GDPD4: variants seen among roughly 807,000 people sequenced by gnomAD.
GDPD4 encodes the protein glycerophosphodiester phosphodiesterase domain containing 4.
In GDPD4, 60 loss-of-function variants were observed where a neutral mutation model predicts 67.8. That is an observed-to-expected ratio of 0.88 (90% CI 0.72 to 1.10). The LOEUF (loss-of-function observed/expected upper bound fraction) is 1.10, where lower values mean the gene tolerates loss of function less well. Among genes scored for constraint, GDPD4 ranks in the 50% least tolerant of loss-of-function variants. GDPD4 has a pLI of 0.00. For missense variants in GDPD4, 623 were observed against 613.9 expected, an observed-to-expected ratio of 1.01 and a Z score of -0.16; for synonymous variants, 212 against 210.9, an observed-to-expected ratio of 1.00 and a Z score of -0.04.
At chr11:77,265,699 A>G (rs1205699910) in intron 10 of GDPD4, among the ~76,000 whole-genome samples, 1 of 152,190 alleles carries the variant, frequency 6.6e-6, no homozygotes, top group Non-Finnish European at 1.5e-5. Context: ...ACATGAACTT[A>G]TTTGTATATT....
At chr11:77,261,564 G>A in intron 10 of GDPD4, among the ~76,000 whole-genome samples, 1 of 152,162 alleles carries the variant, frequency 6.6e-6, no homozygotes, top group East Asian at 1.9e-4. Context: ...CACCTCAACT[G>A]ACTGCCCTCC....
chr11:77,218,096 A>ATTTTT (rs35719470), intron 16 of GDPD4, among the ~76,000 whole-genome samples: 1 of 147,524 alleles, frequency 6.8e-6, no homozygotes, highest in African/African-American at 2.5e-5. Flanking sequence ...ATGAGCTTCC[A>ATTTTT]TTTTTTTTTT....
chr11:77,253,546 G>C (rs1361986174), intron 11 of GDPD4, among the ~76,000 whole-genome samples: 1 of 152,128 alleles, frequency 6.6e-6, no homozygotes, highest in Admixed American at 6.5e-5. Flanking sequence ...ACAATTGTTT[G>C]GCCTGTAGGG....
chr11:77,280,009 G>A (rs952975859), intron 3 of GDPD4, among the ~76,000 whole-genome samples: 3 of 152,080 alleles, frequency 2.0e-5, no homozygotes, highest in African/African-American at 7.2e-5. Flanking sequence ...AATTTTTTAA[G>A]AATTAAACTA....
At position 77,245,265 on chromosome 11, in the gene GDPD4, A is replaced by G. The variant is rs1958756945; in HGVS notation, c.1086+16T>C. On this transcript the variant is annotated intron_variant, in intron 12 of 16. Transcript: ENST00000315938. ...CCACCTCCCAACCTATGTCATAAAT[A>G]CTGAGATAGACTTACCAGATGTTGC... The G allele has an allele frequency of 1.6e-5, 26 of 1,601,636 alleles. No homozygotes were observed. The highest frequency in any genetic ancestry group is 2.2e-5 in the Non-Finnish European group (26 of 1,168,760).
chr11:77,240,399 C>T (rs1958639485), intron 13 of GDPD4, among the ~76,000 whole-genome samples: 1 of 152,164 alleles, frequency 6.6e-6, no homozygotes, highest in Non-Finnish European at 1.5e-5. Context: ...AGGATAATCT[C>T]TTCAATAAAT....
Position 77,216,983 on chromosome 11 carries a change from T to C in GDPD4, c.*294A>G. 1.4e-6 allele frequency: 1 copy of C among 703,034 alleles called. No individual in the cohort carries two copies. Among genetic ancestry groups the C allele is most frequent in the East Asian group, 2.7e-5 (1 of 37,284 alleles). The allele number at this position is 703,034 out of a possible 1,614,324, so 43.5% of individuals were successfully genotyped here. ...GGAGGGCATGGTTGGCTTATCCACC[T>C]TCAGGGTGGGCAATGTAGTTTGAAA... On this transcript the variant is annotated 3_prime_UTR_variant, in exon 17 of 17. Transcript: ENST00000315938.
chr11:77,294,532 G>T (rs1387145649), intron 1 of GDPD4, among the ~76,000 whole-genome samples: 2 of 151,932 alleles, frequency 1.3e-5, no homozygotes, highest in Non-Finnish European at 2.9e-5. Flanking sequence ...CCACTTTCTT[G>T]GATTAGAAGA....
intron 1 of GDPD4, among the ~76,000 whole-genome samples, chr11:77,289,582 T>C (rs1167269521): frequency 6.6e-6 from 1 of 151,116 alleles, no homozygotes; most frequent in Non-Finnish European, 1.5e-5. Flanking sequence ...ATATAAAAAA[T>C]TAGCCATGCA....
intron 11 of GDPD4, 152 bp downstream of exon 11, chr11:77,258,234 C>T (rs191259150): frequency 1.5e-6 from 1 of 673,330 alleles, no homozygotes; most frequent in Non-Finnish European, 2.5e-6. Flanking sequence ...CTGAAAAAGC[C>T]CTCCTGCCAA....
chr11:77,286,140 C>A (rs892687986), intron 2 of GDPD4, among the ~76,000 whole-genome samples: 1 of 152,136 alleles, frequency 6.6e-6, no homozygotes, highest in African/African-American at 2.4e-5. Context: ...CTAAAATAAA[C>A]CTTGTATCAG....
At position 77,248,883 on chromosome 11, in the gene GDPD4, G is replaced by A. The variant is rs965059252; in HGVS notation, c.865-3381C>T. On this transcript the variant is annotated intron_variant, in intron 11 of 16. Coordinates refer to ENST00000315938, the MANE Select transcript of GDPD4 (RefSeq NM_182833.3). ...ATTACAGGCACCCACCAACATGCCCGGCTAATTTTTTTTTTTTTTTTTTTT... is the reference window on the plus strand; with the variant it reads ...ATTACAGGCACCCACCAACATGCCCAGCTAATTTTTTTTTTTTTTTTTTTT... 4.6e-3 allele frequency among the ~76,000 whole-genome samples: 556 copies of A among 120,320 alleles called. 2 individuals carry two copies. The highest frequency in any genetic ancestry group is 0.014 in the African/African-American group (527 of 36,364). The allele number at this position is 120,320 out of a possible 152,430, so 78.9% of individuals were successfully genotyped here.
At chr11:77,255,239 C>G (rs1168042764) in intron 11 of GDPD4, among the ~76,000 whole-genome samples, 3 of 152,118 alleles carry the variant, frequency 2.0e-5, no homozygotes, top group Non-Finnish European at 1.5e-5. Flanking sequence ...CCCAAACATT[C>G]AAAACTGGAG....
chr11:77,235,976 C>CAAAAAAAAAAAAA (rs1269645852), intron 13 of GDPD4, among the ~76,000 whole-genome samples: 1 of 83,472 alleles, frequency 1.2e-5, no homozygotes, highest in Non-Finnish European at 2.6e-5. Flanking sequence ...AAAAAAAAAA[C>CAAAAAAAAAAAAA]AAAAAAAAAA....
At chr11:77,239,913 G>A (rs1461666457) in intron 13 of GDPD4, among the ~76,000 whole-genome samples, 1 of 150,302 alleles carries the variant, frequency 6.7e-6, no homozygotes, top group African/African-American at 2.4e-5. Flanking sequence ...AATGGGCAGA[G>A]ATTGTGCCAC....
chr11:77,218,768 T>C (rs889960959), intron 16 of GDPD4, among the ~76,000 whole-genome samples: 8 of 152,340 alleles, frequency 5.3e-5, no homozygotes, highest in Admixed American at 1.3e-4. Context: ...ATGTGCTACA[T>C]TTTCTTAATC....
intron 16 of GDPD4, among the ~76,000 whole-genome samples, chr11:77,221,979 T>C (rs9704839): frequency 0.88 from 131,765 of 150,382 alleles, 57,885 homozygotes; most frequent in Middle Eastern, 0.91. Context: ...TTTACCATTA[T>C]GTAATGGCCT....
chr11:77,292,031 A>C (rs1937794544), intron 1 of GDPD4, among the ~76,000 whole-genome samples: 1 of 152,162 alleles, frequency 6.6e-6, no homozygotes, highest in African/African-American at 2.4e-5. Flanking sequence ...AGTCTCAAAA[A>C]AAAATTATTA....
chr11:77,236,865 CAGAAGAA>C (rs1232048004), intron 13 of GDPD4, among the ~76,000 whole-genome samples: 2 of 152,046 alleles, frequency 1.3e-5, no homozygotes, highest in Non-Finnish European at 2.9e-5. Flanking sequence ...AAGTTGCTGC[CAGAAGAA>C]AGAAGGAATA....
Sources: allele counts gnomAD v4.1 joint callset (sites outside exome capture counted in the v4.1 genomes callset), GRCh38; gene constraint gnomAD v4.1.1; transcripts MANE v1.5; gene names NCBI Gene and HGNC (gene_info 2026-07-23, HGNC 2026-07-21).